The following RASGEF1A variants were observed in gnomAD, a reference collection of about 807,000 sequenced individuals.
The protein encoded by RASGEF1A is RasGEF domain family member 1A.
A neutral mutation model predicts 56.4 loss-of-function variants in RASGEF1A; 18 were observed. That is an observed-to-expected ratio of 0.32 (90% CI 0.22 to 0.47). RASGEF1A has a LOEUF of 0.47. Among genes scored for constraint, RASGEF1A ranks in the 20% least tolerant of loss-of-function variants. The pLI is 1.00. For synonymous variants in RASGEF1A, 245 were observed against 242.6 expected (o/e 1.01, Z -0.09); for missense variants, 422 against 627.1 (o/e 0.67, Z 3.49).
At position 43,250,401 on chromosome 10, in the gene RASGEF1A, G is replaced by A. The variant is rs149767193; in HGVS notation, c.-7+16444C>T. Reference sequence around the variant, plus strand: ...CCATCACCAGCCATAGGACACAGTCGTCCCAGCTGACCCAGGACAGTGCCA... The same window carrying A: ...CCATCACCAGCCATAGGACACAGTCATCCCAGCTGACCCAGGACAGTGCCA... On this transcript the variant is annotated intron_variant, in intron 1 of 12. Coordinates refer to ENST00000395810, the MANE Select transcript of RASGEF1A (RefSeq NM_145313.4). Among the ~76,000 whole-genome samples the A allele has an allele frequency of 2.4e-3, 372 of 152,344 alleles. 2 individuals are homozygous for A. Among genetic ancestry groups the A allele is most frequent in the Middle Eastern group, 0.01 (3 of 294 alleles).
intron 1 of RASGEF1A, among the ~76,000 whole-genome samples, chr10:43,243,635 CCCGCCTGGGAAGTGAGGAGCGCCT>C (rs1840534032): frequency 6.7e-6 from 1 of 149,922 alleles, no homozygotes. Flanking sequence ...GCCTGGCTGC[CCCGCCTGGGAAGTGAGGAGCGCCT>C]CTGCCCGGCC....
intron 1 of RASGEF1A, among the ~76,000 whole-genome samples, chr10:43,228,396 C>T (rs1292345744): frequency 6.6e-6 from 1 of 152,202 alleles, no homozygotes; most frequent in Admixed American, 6.5e-5. Flanking sequence ...GGGAGCAGGA[C>T]TGTCATTGGA....
intron 1 of RASGEF1A, among the ~76,000 whole-genome samples, chr10:43,254,584 T>C (rs978598510): frequency 4.6e-5 from 7 of 152,148 alleles, no homozygotes; most frequent in Admixed American, 1.3e-4. Flanking sequence ...CACACTCAGG[T>C]CACAGCGCAG....
In RASGEF1A at chr10:43,245,600, C is replaced by G. The variant is rs150742614; in HGVS notation, c.-7+21245G>C. Among the ~76,000 whole-genome samples, 194 of 152,252 alleles carry G rather than the reference C, an allele frequency of 1.3e-3. 1 individual carries two copies. The highest frequency in any genetic ancestry group is 4.5e-3 in the African/African-American group (187 of 41,560). Reference sequence around the variant, plus strand: ...TCATCATGACTAAGCCATACGTATTCAAGGAATGTAAGGTTAGATCAACAT... The same window carrying G: ...TCATCATGACTAAGCCATACGTATTGAAGGAATGTAAGGTTAGATCAACAT... On this transcript the variant is annotated intron_variant, in intron 1 of 12. Transcript: ENST00000395810.
intron 1 of RASGEF1A, among the ~76,000 whole-genome samples, chr10:43,247,443 C>A (rs1207020234): frequency 1.3e-5 from 2 of 152,184 alleles, no homozygotes. Context: ...TCTGTCCACA[C>A]AAAAACTTGT....
chr10:43,234,403 G>A (rs1334074625), intron 1 of RASGEF1A, among the ~76,000 whole-genome samples: 1 of 152,090 alleles, frequency 6.6e-6, no homozygotes, highest in East Asian at 1.9e-4. Flanking sequence ...CTTCTAAAAG[G>A]CACAGCCTAC....
chr10:43,214,425 CAGTG>C (rs1345883641), intron 1 of RASGEF1A, among the ~76,000 whole-genome samples: 2 of 152,232 alleles, frequency 1.3e-5, no homozygotes, highest in Non-Finnish European at 2.9e-5. Flanking sequence ...ACGCAGGGGT[CAGTG>C]AGCATTCACC....
intron 1 of RASGEF1A, among the ~76,000 whole-genome samples, chr10:43,218,894 A>G (rs1840171220): frequency 6.6e-6 from 1 of 152,338 alleles, no homozygotes; most frequent in East Asian, 1.9e-4. Flanking sequence ...CTATTACCCA[A>G]TACAATTTGA....
chr10:43,229,738 C>T (rs1218206524), intron 1 of RASGEF1A: 2 of 1,378,038 alleles, frequency 1.5e-6, no homozygotes, highest in Non-Finnish European at 1.9e-6. Flanking sequence ...CAAGCAAGCA[C>T]CCACTCCTGC....
rs557405473 is a variant in RASGEF1A at position 43,219,204 on chromosome 10, G to A, written c.-6-13082C>T. The stretch of plus-strand genomic sequence containing the variant: ...CTCCCCTTGGCCTCGCTCCCTCTTC[G>A]GCCAACGCCATCAGATTCTGCAGGG... On this transcript the variant is annotated intron_variant, in intron 1 of 12. Coordinates refer to ENST00000395810, the MANE Select transcript of RASGEF1A (RefSeq NM_145313.4). Among the ~76,000 whole-genome samples the A allele has an allele frequency of 5.9e-5, 9 of 152,278 alleles. No homozygotes were observed. The East Asian group carries it at 9.7e-4, about 16-fold the overall frequency.
intron 1 of RASGEF1A, among the ~76,000 whole-genome samples, chr10:43,236,862 T>C (rs1376808678): frequency 1.3e-5 from 2 of 151,944 alleles, no homozygotes; most frequent in African/African-American, 4.8e-5. Flanking sequence ...TGAGATCACC[T>C]GGTGTGTAGG....
chr10:43,234,375 G>T (rs555189233), intron 1 of RASGEF1A, among the ~76,000 whole-genome samples: 2 of 152,114 alleles, frequency 1.3e-5, no homozygotes, highest in Non-Finnish European at 2.9e-5. Context: ...GGCAGAGTTG[G>T]GGCAAACCCT....
At chr10:43,207,753 G>C in intron 1 of RASGEF1A, 1 of 967,632 alleles carries the variant, frequency 1.0e-6, no homozygotes, top group Non-Finnish European at 1.2e-6. Context: ...CAGACCTGCT[G>C]GTCAGAAACT....
chr10:43,226,743 A>G (rs1447765628), intron 1 of RASGEF1A, among the ~76,000 whole-genome samples: 2 of 152,176 alleles, frequency 1.3e-5, no homozygotes, highest in Non-Finnish European at 2.9e-5. Flanking sequence ...CAGATGTAAA[A>G]CAAGAAGTAG....
rs1840016828 is a variant in RASGEF1A at position 43,207,750 on chromosome 10, G to A, written c.-6-1628C>T. On this transcript the variant is annotated intron_variant, in intron 1 of 12. Transcript: ENST00000395810. ...CATTCTCAGGCCTAGCCCCAGACCT[G>A]CTGGTCAGAAACTCTGGGGTGGACT... The A allele has an allele frequency of 7.2e-6, 7 of 972,682 alleles. No individual in the cohort carries two copies. The South Asian group carries it at 1.9e-4, about 26-fold the overall frequency. 60.3% of individuals were successfully genotyped at this position (972,682 alleles called of 1,614,324 possible).
In RASGEF1A at chr10:43,196,176, C is replaced by T. The variant is rs1839793526; in HGVS notation, c.*68G>A. 4.6e-6 allele frequency: 7 copies of T among 1,522,954 alleles called. No homozygotes were observed. The highest frequency in any genetic ancestry group is 6.3e-6 in the Non-Finnish European group (7 of 1,104,598). 94.3% of individuals were successfully genotyped at this position (1,522,954 alleles called of 1,614,324 possible). Reference sequence around the variant, plus strand: ...ACCAGTGAGGCCTCCTCATCTCAACCCACATCAGTCAAAATTTAAACCCAG... The same window carrying T: ...ACCAGTGAGGCCTCCTCATCTCAACTCACATCAGTCAAAATTTAAACCCAG... On this transcript the variant is annotated 3_prime_UTR_variant, in exon 13 of 13. Transcript: ENST00000395810. The surrounding 1 kb of genome is among the most constrained non-coding windows in gnomAD (Gnocchi z 4.6).
At chr10:43,248,081 T>C (rs1588949979) in intron 1 of RASGEF1A, among the ~76,000 whole-genome samples, 1 of 136,958 alleles carries the variant, frequency 7.3e-6, no homozygotes, top group Admixed American at 7.4e-5. Flanking sequence ...CATGGCCGAG[T>C]GTGGTAGCTC....
chr10:43,207,561 A>G, intron 1 of RASGEF1A: 2 of 985,502 alleles, frequency 2.0e-6, no homozygotes, highest in Non-Finnish European at 2.4e-6. Flanking sequence ...TGGCAAGGAG[A>G]GCAAGAACGC....
chr10:43,255,809 G>A (rs1337177505), intron 1 of RASGEF1A, among the ~76,000 whole-genome samples: 1 of 152,156 alleles, frequency 6.6e-6, no homozygotes, highest in Non-Finnish European at 1.5e-5. Flanking sequence ...TGGGTGTGTG[G>A]CCATTCCTGG....
Sources: gnomAD v4.1 joint callset for allele counts (sites outside exome capture counted in the v4.1 genomes callset) on GRCh38, gnomAD v4.1.1 for gene constraint, Gnocchi (gnomAD v3.1) non-coding constraint, MANE v1.5 for transcripts, NCBI Gene and HGNC (gene_info 2026-07-23, HGNC 2026-07-21) for gene names.